Variants in CD81 observed in about 807,000 individuals in gnomAD.
The protein encoded by CD81 is CD81 antigen.
A neutral mutation model predicts 30.1 loss-of-function variants in CD81; 10 were observed. That is an observed-to-expected ratio of 0.33 (90% CI 0.21 to 0.56). The LOEUF (loss-of-function observed/expected upper bound fraction) is 0.56, where lower values mean the gene tolerates loss of function less well. Ranked by LOEUF, CD81 falls within the 20% of genes least tolerant of loss-of-function variation. The probability of loss-of-function intolerance (pLI) is 0.89; values close to 1 mark genes in which losing one functional copy is unlikely to be tolerated. For synonymous variants in CD81, 147 were observed against 126.4 expected (o/e 1.16, Z -1.10); for missense variants, 263 against 308.7 (o/e 0.85, Z 1.11).
chr11:2,382,161 G>T (rs1029724391), intron 1 of CD81, among the ~76,000 whole-genome samples: 2 of 152,248 alleles, frequency 1.3e-5, no homozygotes, highest in African/African-American at 4.8e-5. Flanking sequence ...TAGGCTTCCT[G>T]CACTGGCCGC....
chr11:2,384,148 G>A (rs1347921567), intron 1 of CD81, among the ~76,000 whole-genome samples: 2 of 152,104 alleles, frequency 1.3e-5, no homozygotes, highest in East Asian at 3.9e-4. Context: ...GAGAAAGAAA[G>A]AAACAATCCT....
intron 6 of CD81, 104 bp from the exon 7 acceptor site, chr11:2,396,524 T>A: frequency 9.8e-7 from 1 of 1,020,332 alleles, no homozygotes; most frequent in Non-Finnish European, 1.5e-6. Flanking sequence ...GTTCCCAGGA[T>A]TCCCCTCTAC....
At chr11:2,385,806 G>T in intron 1 of CD81, 1 of 627,780 alleles carries the variant, frequency 1.6e-6, no homozygotes. Flanking sequence ...CCCGTTCACC[G>T]GTCAGTGGGC....
chr11:2,386,245 G>C, intron 1 of CD81: 1 of 692,614 alleles, frequency 1.4e-6, no homozygotes, highest in Admixed American at 2.1e-5. Flanking sequence ...TTCAAAGATT[G>C]GGTTGCCAGT....
chr11:2,395,228 G>A (rs1391536100), intron 4 of CD81, 182 bp downstream of exon 4: 3 of 728,450 alleles, frequency 4.1e-6, no homozygotes, highest in Admixed American at 2.1e-5. Context: ...CTGAGCACCA[G>A]GCCAGCCTCC....
Position 2,396,987 on chromosome 11 carries a change from C to G in CD81, c.*121C>G. 2.1e-6 allele frequency: 2 copies of G among 949,460 alleles called. No homozygotes were observed. The highest frequency in any genetic ancestry group is 1.4e-5 in the South Asian group (1 of 72,218). 58.8% of individuals were successfully genotyped at this position (949,460 alleles called of 1,614,324 possible). On this transcript the variant is annotated 3_prime_UTR_variant, in exon 8 of 8. Transcript: ENST00000263645. ...CCGGTATTACTCTGCTACACGTAGC[C>G]TTTTTACTTTTGGGGTTTTGTTTTT...
At chr11:2,390,143 G>C (rs768388584) in intron 1 of CD81, 4 of 578,728 alleles carry the variant, frequency 6.9e-6, no homozygotes, top group South Asian at 5.9e-5. Flanking sequence ...CCGGCGTCCC[G>C]TGTCTTCCTG....
chr11:2,396,542 G>T, intron 6 of CD81, 86 bp from the exon 7 acceptor site: 1 of 1,167,882 alleles, frequency 8.6e-7, no homozygotes, highest in Non-Finnish European at 1.3e-6. Flanking sequence ...TACGCTTTCT[G>T]TGGTGACCAC....
At chr11:2,387,707 G>A (rs1849821347) in intron 1 of CD81, among the ~76,000 whole-genome samples, 1 of 152,172 alleles carries the variant, frequency 6.6e-6, no homozygotes, top group Admixed American at 6.5e-5. Flanking sequence ...GGCACACGTG[G>A]GGTCCCAGCT....
chr11:2,395,597 T>G, intron 5 of CD81, 77 bp downstream of exon 5: 1 of 1,152,766 alleles, frequency 8.7e-7, no homozygotes. Flanking sequence ...GGATGAATCC[T>G]GCCTACGCCC....
At chr11:2,386,306 C>G (rs1357532452) in intron 1 of CD81, 1 of 634,404 alleles carries the variant, frequency 1.6e-6, no homozygotes, top group African/African-American at 1.8e-5. Context: ...GGCACAGGTC[C>G]TTTACCAGGC....
rs1386403667 is a variant in CD81, at chr11:2,377,744, C to T, written c.66+129C>T. 5.4e-6 allele frequency: 2 copies of T among 372,184 alleles called. No homozygotes were observed. Among genetic ancestry groups the T allele is most frequent in the Non-Finnish European group, 9.0e-6 (2 of 222,448 alleles). 23.1% of individuals were successfully genotyped at this position (372,184 alleles called of 1,614,324 possible). The stretch of plus-strand genomic sequence containing the variant: ...GCGAAGTTGTGGGGCCACCTGTGGG[C>T]TCCAGGAGCGGGGTGGGGGGTCGCC... On this transcript the variant is annotated intron_variant, in intron 1 of 7. Coordinates refer to ENST00000263645, the MANE Select transcript of CD81 (RefSeq NM_004356.4). The surrounding 1 kb of genome is among the most constrained non-coding windows in gnomAD (Gnocchi z 7.7).
chr11:2,395,820 G>A lies in CD81; in HGVS notation c.460-49G>A, dbSNP rs368616180. 20 of 1,308,944 alleles carry A rather than the reference G, an allele frequency of 1.5e-5. No homozygotes were observed. In the East Asian group the frequency reaches 1.8e-4, roughly 12 times the overall value. The allele number at this position is 1,308,944 out of a possible 1,614,324, so 81.1% of individuals were successfully genotyped here. On this transcript the variant is annotated intron_variant, in intron 5 of 7. Transcript: ENST00000263645. ...TCCCCATGGGTTCCCTAGAGCCACCGTCCCCCTGGGCACATCCAGGGCTGA... is the reference window on the plus strand; with the variant it reads ...TCCCCATGGGTTCCCTAGAGCCACCATCCCCCTGGGCACATCCAGGGCTGA...
chr11:2,390,590 C>G (rs1044575275), intron 2 of CD81, 64 bp downstream of exon 2: 1 of 1,164,914 alleles, frequency 8.6e-7, no homozygotes, highest in Middle Eastern at 1.9e-4. Context: ...AGGTCCTAGC[C>G]TTTTGGATGG....
intron 1 of CD81, among the ~76,000 whole-genome samples, chr11:2,385,371 G>A (rs959374429): frequency 7.2e-5 from 11 of 152,138 alleles, no homozygotes; most frequent in African/African-American, 1.7e-4. Context: ...GGGCAACCAC[G>A]GGCCGTCGCT....
At chr11:2,379,189 GC>G in intron 1 of CD81, 1 of 454,220 alleles carries the variant, frequency 2.2e-6, no homozygotes, top group South Asian at 1.6e-5. Context: ...AGCCCCTGAA[GC>G]CCCGTCCCCT....
At chr11:2,388,676 T>C (rs1849840443) in intron 1 of CD81, among the ~76,000 whole-genome samples, 1 of 152,224 alleles carries the variant, frequency 6.6e-6, no homozygotes. Context: ...GACTCAGCTC[T>C]GGGAGCAGCT....
intron 6 of CD81, 125 bp downstream of exon 6, chr11:2,396,095 G>T: frequency 3.4e-6 from 2 of 593,430 alleles, no homozygotes; most frequent in Non-Finnish European, 6.3e-6. Flanking sequence ...CATGGCCCCT[G>T]TCAGGGCTGC....
chr11:2,383,852 G>A (rs184421041), intron 1 of CD81, among the ~76,000 whole-genome samples: 75 of 152,340 alleles, frequency 4.9e-4, no homozygotes, highest in African/African-American at 1.7e-3. Context: ...GTAAGGTATG[G>A]GTGGGGCGAC....
Sources: allele counts gnomAD v4.1 joint callset (sites outside exome capture counted in the v4.1 genomes callset), GRCh38; gene constraint gnomAD v4.1.1; non-coding constraint Gnocchi (gnomAD v3.1); transcripts MANE v1.5; gene names NCBI Gene and HGNC (gene_info 2026-07-23, HGNC 2026-07-21).